Variants in FRMPD4 observed in about 807,000 individuals in gnomAD.
FRMPD4 encodes the protein FERM and PDZ domain-containing protein 4.
Under a neutral mutation model 94.1 loss-of-function variants are expected in FRMPD4, and 22 were observed. The observed-to-expected ratio is 0.23, with a 90% confidence interval of 0.17 to 0.33. The LOEUF (loss-of-function observed/expected upper bound fraction) is 0.33, where lower values mean the gene tolerates loss of function less well. FRMPD4 is among the 10% of genes least tolerant of loss of function. The pLI is 1.00. For synonymous variants in FRMPD4, 631 were observed against 548.6 expected, an observed-to-expected ratio of 1.15 and a Z score of -2.10; for missense variants, 1,111 against 1,339.9, an observed-to-expected ratio of 0.83 and a Z score of 2.67.
rs538661618 is a variant in FRMPD4 at position 11,930,584 on chromosome X, C to T, written c.95+52566C>T. ...TTCAGAGACAGTGCAACCTTATAGACATCTTGATTTCAGACTCTGGCCTCT... is the reference window on the plus strand; with the variant it reads ...TTCAGAGACAGTGCAACCTTATAGATATCTTGATTTCAGACTCTGGCCTCT... On this transcript the variant is annotated intron_variant, in intron 3 of 18. Coordinates refer to the FRMPD4 transcript ENST00000640291. Among the ~76,000 whole-genome samples, 31 of 111,695 alleles carry T rather than the reference C, an allele frequency of 2.8e-4. No individual in the cohort carries two copies. The Middle Eastern group carries it at 0.014, about 50-fold the overall frequency.
chrX:12,264,214 A>C (rs1480748043), intron 1 of FRMPD4, among the ~76,000 whole-genome samples: 1 of 111,908 alleles, frequency 8.9e-6, no homozygotes, highest in African/African-American at 3.3e-5. Flanking sequence ...AGTAGAGGAA[A>C]ACTAAGGCCT....
At chrX:12,087,430 C>T (rs1467915234) in intron 3 of FRMPD4, among the ~76,000 whole-genome samples, 1 of 111,841 alleles carries the variant, frequency 8.9e-6, no homozygotes, top group East Asian at 2.8e-4. Flanking sequence ...CTTAGAATTC[C>T]TTGCTCTTTG....
intron 4 of FRMPD4, among the ~76,000 whole-genome samples, chrX:12,639,926 A>G (rs1028642203): frequency 4.5e-5 from 5 of 111,588 alleles, no homozygotes; most frequent in African/African-American, 1.6e-4. Context: ...TGAAAACCAT[A>G]ACGCAATATT....
intron 3 of FRMPD4, among the ~76,000 whole-genome samples, chrX:12,032,587 T>C (rs182528201): frequency 1.8e-5 from 2 of 111,900 alleles, no homozygotes; most frequent in African/African-American, 3.2e-5. Context: ...AACTGGAACA[T>C]GTTTGAATGC....
chrX:12,414,142 T>C (rs1182571919), intron 1 of FRMPD4, among the ~76,000 whole-genome samples: 1 of 112,699 alleles, frequency 8.9e-6, no homozygotes, highest in African/African-American at 3.2e-5. Context: ...TTAGTGATCA[T>C]TTAATATGCA....
intron 3 of FRMPD4, among the ~76,000 whole-genome samples, chrX:12,046,979 A>G (rs187664303): frequency 9.2e-4 from 102 of 111,123 alleles, no homozygotes; most frequent in Middle Eastern, 4.7e-3. Context: ...GATCCACAGA[A>G]CTTTGGATAT....
At chrX:12,246,739 A>T (rs1296681640) in intron 1 of FRMPD4, among the ~76,000 whole-genome samples, 1 of 110,783 alleles carries the variant, frequency 9.0e-6, no homozygotes, top group East Asian at 2.8e-4. Context: ...TTCCTGAACC[A>T]GTGTAGCATT....
intron 3 of FRMPD4, among the ~76,000 whole-genome samples, chrX:12,069,000 G>T (rs2054943989): frequency 8.9e-6 from 1 of 112,130 alleles, no homozygotes; most frequent in Admixed American, 9.5e-5. Context: ...AGTAATCTGT[G>T]TTTTGAAGAA....
rs112730173 is a variant in FRMPD4, at chrX:12,397,103, T to C, written c.42-101577T>C. On this transcript the variant is annotated intron_variant, in intron 1 of 16. Coordinates refer to ENST00000675598, the MANE Select transcript of FRMPD4 (RefSeq NM_001368397.1). ...GAACCCCTTGGTTTTGAGGGATGGA[T>C]TGTCTCTTGGTCCTTCACCCTGACG... 6.6e-3 allele frequency among the ~76,000 whole-genome samples: 730 copies of C among 110,715 alleles called. 7 individuals are homozygous for C. The highest frequency in any genetic ancestry group is 0.023 in the African/African-American group (697 of 30,406).
intron 2 of FRMPD4, among the ~76,000 whole-genome samples, chrX:12,525,148 G>T (rs1450948570): frequency 9.0e-6 from 1 of 110,512 alleles, no homozygotes; most frequent in Non-Finnish European, 1.9e-5. Context: ...AAAGGAAAAT[G>T]CCTTTAACTA....
intron 1 of FRMPD4, among the ~76,000 whole-genome samples, chrX:12,232,528 T>C (rs2057023591): frequency 1.8e-5 from 2 of 110,735 alleles, no homozygotes; most frequent in African/African-American, 6.6e-5. Context: ...GTGGAAATTA[T>C]GGGAACTACA....
intron 1 of FRMPD4, among the ~76,000 whole-genome samples, chrX:12,161,317 C>G (rs1260512369): frequency 9.0e-6 from 1 of 111,627 alleles, no homozygotes; most frequent in African/African-American, 3.3e-5. Context: ...CACCACCACA[C>G]TGGGCTAATT....
intron 1 of FRMPD4, among the ~76,000 whole-genome samples, chrX:12,408,516 A>G (rs751632374): frequency 1.2e-3 from 134 of 111,002 alleles, no homozygotes; most frequent in African/African-American, 4.2e-3. Flanking sequence ...GGCAAGGCCT[A>G]GCTAGGCATT....
chrX:12,397,964 C>G (rs1264336461), intron 1 of FRMPD4, among the ~76,000 whole-genome samples: 1 of 111,602 alleles, frequency 9.0e-6, no homozygotes, highest in Non-Finnish European at 1.9e-5. Context: ...GAACTGTTTA[C>G]TTCTTAGCAG....
At chrX:11,845,934 G>A (rs1368827172) in intron 1 of FRMPD4, among the ~76,000 whole-genome samples, 2 of 106,705 alleles carry the variant, frequency 1.9e-5, no homozygotes, top group East Asian at 2.9e-4. Context: ...TACTGAATGG[G>A]CAAAAACTGG....
intron 3 of FRMPD4, among the ~76,000 whole-genome samples, chrX:11,891,997 T>A (rs2053876838): frequency 8.9e-6 from 1 of 112,171 alleles, no homozygotes; most frequent in Non-Finnish European, 1.9e-5. Context: ...TAACAGTCAT[T>A]TTGTGCTTTA....
At chrX:11,850,823 C>G (rs866888266) in intron 1 of FRMPD4, among the ~76,000 whole-genome samples, 1 of 111,851 alleles carries the variant, frequency 8.9e-6, no homozygotes, top group Middle Eastern at 4.6e-3. Flanking sequence ...CGGGCTGTAA[C>G]TCTTGTTTAA....
At chrX:12,092,233 ATGAAC>A (rs898850615) in intron 3 of FRMPD4, among the ~76,000 whole-genome samples, 1 of 111,845 alleles carries the variant, frequency 8.9e-6, no homozygotes, top group African/African-American at 3.3e-5. Context: ...GACAGCCTCC[ATGAAC>A]ACCAGTTATG....
chrX:12,718,678 G>C lies in FRMPD4; in HGVS notation c.3852G>C (p.Gly1284=). The change falls in exon 16 of 17, where the codon GGG becomes GGC. Residue 1284 remains glycine, a synonymous_variant. Transcript: ENST00000675598. ...TFKELHPQTE[G]MCPRMTVPAL... ...AGGAACTGCACCCACAGACAGAAGG[G>C]ATGTGTCCACGGATGACAGTGCCTG... 2 of 1,208,549 alleles carry C rather than the reference G, an allele frequency of 1.7e-6. No homozygotes were observed. The highest frequency in any genetic ancestry group is 2.2e-5 in the Admixed American group (1 of 46,094).
Sources: gnomAD v4.1 joint callset for allele counts (sites outside exome capture counted in the v4.1 genomes callset) on GRCh38, gnomAD v4.1.1 for gene constraint, MANE v1.5 for transcripts, NCBI Gene and HGNC (gene_info 2026-07-23, HGNC 2026-07-21) for gene names.